PROSER2: variants seen among roughly 807,000 people sequenced by gnomAD.
The protein encoded by PROSER2 is proline and serine rich 2.
A neutral mutation model predicts 14.6 loss-of-function variants in PROSER2; 18 were observed. That is an observed-to-expected ratio of 1.23 (90% CI 0.85 to 1.83). The LOEUF is 1.83. Ranked by LOEUF, PROSER2 falls within the 40% of genes most tolerant of loss-of-function variation. The pLI, the probability that PROSER2 is intolerant of heterozygous loss-of-function variation, is 0.00. For synonymous variants in PROSER2, 367 were observed against 286.4 expected, an observed-to-expected ratio of 1.28 and a Z score of -2.84; for missense variants, 823 against 629.8, an observed-to-expected ratio of 1.31 and a Z score of -3.28.
Position 11,836,268 on chromosome 10 carries a change from C to G in PROSER2, c.-82+12798C>G, listed in dbSNP as rs959355516. ...CTGGTGTGCAGTGGTGTGATCTCCA[C>G]TCACTGCAGCCTCCACCTTCCAGGT... On this transcript the variant is annotated intron_variant, in intron 1 of 3. Coordinates refer to ENST00000277570, the MANE Select transcript of PROSER2 (RefSeq NM_153256.4). The surrounding 1 kb of genome is among the most constrained non-coding windows in gnomAD (Gnocchi z 4.6). Among the ~76,000 whole-genome samples, 2 of 152,036 alleles carry G rather than the reference C, an allele frequency of 1.3e-5. No homozygotes were observed. The highest frequency in any genetic ancestry group is 1.3e-4 in the Admixed American group (2 of 15,256).
rs1011132114 is a variant in PROSER2 at position 11,830,720 on chromosome 10, G to A, written c.-82+7250G>A. Reference sequence around the variant, plus strand: ...ATAGTAACATGGGAACTGTTAGTTGGAATCTTCCAGTTTTTTCAACAAACA... The same window carrying A: ...ATAGTAACATGGGAACTGTTAGTTGAAATCTTCCAGTTTTTTCAACAAACA... On this transcript the variant is annotated intron_variant, in intron 1 of 3. Coordinates refer to ENST00000277570, the MANE Select transcript of PROSER2 (RefSeq NM_153256.4). The surrounding 1 kb of genome is among the most constrained non-coding windows in gnomAD (Gnocchi z 4.5). Among the ~76,000 whole-genome samples the A allele has an allele frequency of 2.0e-5, 3 of 152,160 alleles. No individual in the cohort carries two copies. Among genetic ancestry groups the A allele is most frequent in the African/African-American group, 7.2e-5 (3 of 41,436 alleles).
chr10:11,835,432 A>G (rs1011330790), intron 1 of PROSER2, among the ~76,000 whole-genome samples: 3 of 152,218 alleles, frequency 2.0e-5, no homozygotes, highest in African/African-American at 7.2e-5. Context: ...AGTAGTCTAT[A>G]AATTACTTTT....
chr10:11,870,166 C>G lies in PROSER2; in HGVS notation c.1068C>G (p.Pro356=). ...PSAHEALKSA[P]SSFAPAGKSL... ...CGCACGAGGCCCTGAAGAGCGCACC[C>G]AGCTCCTTCGCGCCCGCTGGGAAGT... Residue 356 remains proline (P), a synonymous_variant, in exon 4 of 4, where the codon CCC becomes CCG. Transcript: ENST00000277570. 1.4e-6 allele frequency: 2 copies of G among 1,475,890 alleles called. No individual in the cohort carries two copies. The highest frequency in any genetic ancestry group is 1.8e-6 in the Non-Finnish European group (2 of 1,120,532). 91.4% of individuals were successfully genotyped at this position (1,475,890 alleles called of 1,614,324 possible). A position where few individuals can be genotyped will look rare whatever the true frequency, so the allele number is the denominator to read the frequency against.
At chr10:11,827,360 G>C (rs1178935676) in intron 1 of PROSER2, among the ~76,000 whole-genome samples, 1 of 152,050 alleles carries the variant, frequency 6.6e-6, no homozygotes, top group Non-Finnish European at 1.5e-5. Flanking sequence ...CTCTTTTTGT[G>C]TTAGCTTTCG....
chr10:11,827,183 G>A (rs1355490096), intron 1 of PROSER2, among the ~76,000 whole-genome samples: 1 of 146,590 alleles, frequency 6.8e-6, no homozygotes, highest in African/African-American at 2.5e-5. Flanking sequence ...ACCATGCTTC[G>A]CCTTCCTTTA....
rs777982798 is a variant in PROSER2 at position 11,869,478 on chromosome 10, C to T, written c.392-12C>T. On this transcript the variant is annotated splice_polypyrimidine_tract_variant and intron_variant, in intron 3 of 3. Coordinates refer to ENST00000277570, the MANE Select transcript of PROSER2 (RefSeq NM_153256.4). The surrounding 1 kb of genome is among the most constrained non-coding windows in gnomAD (Gnocchi z 4.4). ...GGGCCGGTGGCTCACAGGCTCCTCCCTTGTCTTCCAGGGCCTGCACCTGCT... is the reference window on the plus strand; with the variant it reads ...GGGCCGGTGGCTCACAGGCTCCTCCTTTGTCTTCCAGGGCCTGCACCTGCT... 6.2e-7 allele frequency: 1 copy of T among 1,608,544 alleles called. No homozygotes were observed. Among genetic ancestry groups the T allele is most frequent in the Non-Finnish European group, 8.5e-7 (1 of 1,175,092 alleles).
At position 11,869,346 on chromosome 10, in the gene PROSER2, G is replaced by T; in HGVS notation, c.392-144G>T. Reference sequence around the variant, plus strand: ...TCTCCTTCCCTAGTCCCAGGAACAGGGAGAGAGGAGTTGACTCACAGGCAG... The same window carrying T: ...TCTCCTTCCCTAGTCCCAGGAACAGTGAGAGAGGAGTTGACTCACAGGCAG... On this transcript the variant is annotated intron_variant, in intron 3 of 3. Coordinates refer to ENST00000277570, the MANE Select transcript of PROSER2 (RefSeq NM_153256.4). This position sits in a 1 kb window ranked among gnomAD's most constrained non-coding sequence, Gnocchi z 4.4. The T allele has an allele frequency of 1.5e-6, 1 of 647,688 alleles. No homozygotes were observed. Among genetic ancestry groups the T allele is most frequent in the East Asian group, 2.7e-5 (1 of 37,028 alleles). The allele number at this position is 647,688 out of a possible 1,614,324, so 40.1% of individuals were successfully genotyped here. A position where few individuals can be genotyped will look rare whatever the true frequency, so the allele number is the denominator to read the frequency against.
chr10:11,865,845 G>T lies in PROSER2; in HGVS notation c.139-686G>T, dbSNP rs1457471658. 1.3e-5 allele frequency among the ~76,000 whole-genome samples: 2 copies of T among 152,180 alleles called. No homozygotes were observed. Among genetic ancestry groups the T allele is most frequent in the Non-Finnish European group, 2.9e-5 (2 of 68,032 alleles). On this transcript the variant is annotated intron_variant, in intron 2 of 3. Coordinates refer to ENST00000277570, the MANE Select transcript of PROSER2 (RefSeq NM_153256.4). This position sits in a 1 kb window ranked among gnomAD's most constrained non-coding sequence, Gnocchi z 4.2. ...TGCTTCTGAAAGAGACTTTCAAACA[G>T]TTCAGCTCTCTTCACCGTCACCTTG... is the stretch of plus-strand genomic sequence containing the variant.
intron 1 of PROSER2, among the ~76,000 whole-genome samples, chr10:11,829,376 G>A (rs1435748199): frequency 2.0e-5 from 3 of 151,206 alleles, no homozygotes; most frequent in Non-Finnish European, 4.4e-5. Flanking sequence ...CTTGAACCCA[G>A]GAGTTTGAGA....
At chr10:11,842,928 G>GTTTTTTTTTTTT (rs1554766492) in intron 1 of PROSER2, among the ~76,000 whole-genome samples, 1 of 51,714 alleles carries the variant, frequency 1.9e-5, no homozygotes, top group African/African-American at 6.0e-5. Flanking sequence ...TTTTGCCATT[G>GTTTTTTTTTTTT]TTCTTTTTTT....
chr10:11,863,413 C>CTAA (rs1564313048), intron 2 of PROSER2, among the ~76,000 whole-genome samples: 6 of 152,108 alleles, frequency 3.9e-5, no homozygotes. Context: ...AGACGTGCAC[C>CTAA]TGTAGTCCCA....
At chr10:11,831,059 G>A (rs1346005383) in intron 1 of PROSER2, among the ~76,000 whole-genome samples, 1 of 152,156 alleles carries the variant, frequency 6.6e-6, no homozygotes, top group African/African-American at 2.4e-5. Flanking sequence ...TTCCACCCTG[G>A]TGTGGATTTA....
chr10:11,860,649 A>C (rs560600721), intron 2 of PROSER2, among the ~76,000 whole-genome samples: 1 of 151,778 alleles, frequency 6.6e-6, no homozygotes, highest in African/African-American at 2.4e-5. Context: ...GTCTCATTTT[A>C]TACAAATAAT....
intron 1 of PROSER2, among the ~76,000 whole-genome samples, chr10:11,826,045 C>A (rs1026182617): frequency 2.6e-5 from 4 of 152,002 alleles, no homozygotes; most frequent in African/African-American, 9.7e-5. Context: ...TTGCCCTCTC[C>A]CAACCTCTGG....
In PROSER2 at chr10:11,826,586, T is replaced by C. The variant is rs548501114; in HGVS notation, c.-82+3116T>C. 3.6e-3 allele frequency among the ~76,000 whole-genome samples: 545 copies of C among 152,300 alleles called. 5 individuals are homozygous for C. The highest frequency in any genetic ancestry group is 0.013 in the African/African-American group (530 of 41,554). On this transcript the variant is annotated intron_variant, in intron 1 of 3. Transcript: ENST00000277570. ...TTTATGTATTTATGTATTTATCTAT[T>C]TATTTTTTTGAGACGGAGTCTCTCT...
chr10:11,863,799 C>T (rs1564313244), intron 2 of PROSER2, among the ~76,000 whole-genome samples: 2 of 151,908 alleles, frequency 1.3e-5, no homozygotes, highest in Non-Finnish European at 1.5e-5. Flanking sequence ...GTTATGGTGT[C>T]GGTGTGTATG....
chr10:11,833,077 C>T (rs913815806), intron 1 of PROSER2, among the ~76,000 whole-genome samples: 2 of 152,044 alleles, frequency 1.3e-5, no homozygotes, highest in Non-Finnish European at 2.9e-5. Context: ...CTCCTGACCT[C>T]AAGTGATCCG....
At position 11,862,235 on chromosome 10, in the gene PROSER2, C is replaced by T. The variant is rs1248953911; in HGVS notation, c.139-4296C>T. Reference sequence around the variant, plus strand: ...ATTTGAGAAACTTTCATGCAAATCCCGCTTAAAGTCACCACAGGGGCATGC... The same window carrying T: ...ATTTGAGAAACTTTCATGCAAATCCTGCTTAAAGTCACCACAGGGGCATGC... On this transcript the variant is annotated intron_variant, in intron 2 of 3. Transcript: ENST00000277570. The surrounding 1 kb of genome is among the most constrained non-coding windows in gnomAD (Gnocchi z 4.2). Among the ~76,000 whole-genome samples the T allele has an allele frequency of 2.0e-5, 3 of 152,158 alleles. No individual in the cohort carries two copies. The highest frequency in any genetic ancestry group is 6.5e-5 in the Admixed American group (1 of 15,272).
chr10:11,839,277 A>G (rs950136513), intron 1 of PROSER2, among the ~76,000 whole-genome samples: 4 of 152,224 alleles, frequency 2.6e-5, no homozygotes, highest in Non-Finnish European at 5.9e-5. Flanking sequence ...TAAAAATGCT[A>G]GTAGAAATTC....
Sources: gnomAD v4.1 joint callset for allele counts (sites outside exome capture counted in the v4.1 genomes callset) on GRCh38, gnomAD v4.1.1 for gene constraint, Gnocchi (gnomAD v3.1) non-coding constraint, MANE v1.5 for transcripts, NCBI Gene and HGNC (gene_info 2026-07-23, HGNC 2026-07-21) for gene names.